FAM228B: variants seen among roughly 807,000 people sequenced by gnomAD.
The protein encoded by FAM228B is protein FAM228B.
A neutral mutation model predicts 42.6 loss-of-function variants in FAM228B; 38 were observed. The observed-to-expected ratio is 0.89, with a 90% CI of 0.69 to 1.17. The LOEUF is 1.17. FAM228B is among the 50% of genes most tolerant of loss of function. The pLI is 0.00. For synonymous variants in FAM228B, 109 were observed against 122.3 expected (o/e 0.89, Z 0.72); for missense variants, 344 against 367.3 (o/e 0.94, Z 0.52).
intron 5 of FAM228B, among the ~76,000 whole-genome samples, chr2:24,143,717 A>G (rs375370677): frequency 6.6e-6 from 1 of 152,186 alleles, no homozygotes. Context: ...TATGTTAAAC[A>G]TAACAGGCAT....
At chr2:24,150,961 T>G (rs887255457) in intron 7 of FAM228B, among the ~76,000 whole-genome samples, 3 of 152,212 alleles carry the variant, frequency 2.0e-5, no homozygotes, top group African/African-American at 7.2e-5. Context: ...TACTTGAATG[T>G]TGATATCTTT....
rs1470636034 is a variant in FAM228B at position 24,100,972 on chromosome 2, A to G, written c.-121+5743A>G. ...GTTCATGTCCTTTGCAGGGACATGG[A>G]CGAAGGTGGAAACCATCATTCTCAG... On this transcript the variant is annotated intron_variant, in intron 3 of 10. Transcript: ENST00000613899. Among the ~76,000 whole-genome samples the G allele has an allele frequency of 5.9e-5, 9 of 152,314 alleles. 1 individual carries two copies. The highest frequency in any genetic ancestry group is 2.2e-4 in the African/African-American group (9 of 41,568).
chr2:24,091,151 C>T lies in FAM228B; in HGVS notation c.-209-3990C>T, dbSNP rs574131587. 4.6e-5 allele frequency among the ~76,000 whole-genome samples: 7 copies of T among 152,260 alleles called. 1 individual carries two copies. In the South Asian group the frequency reaches 6.2e-4, roughly 14 times the overall value. On this transcript the variant is annotated intron_variant, in intron 2 of 10. Coordinates refer to the FAM228B transcript ENST00000613899. ...TTGATATGATTGTAGACTTAGAAAA[C>T]GCAAGAGATGCGCTGGGTGCCATGG...
At chr2:24,087,745 G>A (rs139743424) in intron 2 of FAM228B, among the ~76,000 whole-genome samples, 1,617 of 151,760 alleles carry the variant, frequency 0.011, 35 homozygotes, top group Admixed American at 0.046. Flanking sequence ...CGAGTAGCTG[G>A]GACTACAGGT....
rs56146407 is a variant in FAM228B at position 24,166,054 on chromosome 2, A to AAATATATATATATACAT, written c.933-1572_933-1571insATATATATATATACATA. On this transcript the variant is annotated intron_variant, in intron 9 of 10. Transcript: ENST00000615575. ...CAGAACTCTGTCTAAAAAAAAAAAA[A>AAATATATATATATACAT]ATATATATATATATATATGTATGTA... 7 of 81,030 alleles carry AAATATATATATATACAT rather than the reference A, an allele frequency of 8.6e-5. No individual in the cohort carries two copies. In the Admixed American group the frequency reaches 1.2e-3, roughly 14 times the overall value. The allele number at this position is 81,030 out of a possible 1,614,324, so 5.0% of individuals were successfully genotyped here. A position where few individuals can be genotyped will look rare whatever the true frequency, so the allele number is the denominator to read the frequency against.
upstream of FAM228B, among the ~76,000 whole-genome samples, chr2:24,118,680 G>A (rs978595918): frequency 6.6e-6 from 1 of 152,186 alleles, no homozygotes; most frequent in Non-Finnish European, 1.5e-5. Context: ...ATAGATGTGA[G>A]GGACAGGAAG....
At chr2:24,152,838 T>TA (rs1446933628) in intron 7 of FAM228B, among the ~76,000 whole-genome samples, 1 of 151,934 alleles carries the variant, frequency 6.6e-6, no homozygotes, top group Admixed American at 6.6e-5. Context: ...GGGCTTGAAG[T>TA]AAAAAAAACC....
intron 1 of FAM228B, among the ~76,000 whole-genome samples, chr2:24,078,062 A>G (rs11902756): frequency 0.28 from 42,880 of 152,096 alleles, 6,523 homozygotes; most frequent in South Asian, 0.39. Context: ...GATTCCTCTG[A>G]GAGGGGTACC....
intron 2 of FAM228B, among the ~76,000 whole-genome samples, chr2:24,093,883 C>T (rs1024125922): frequency 4.6e-5 from 7 of 151,960 alleles, no homozygotes; most frequent in African/African-American, 1.7e-4. Context: ...TCCCAAAGTG[C>T]TGGGATTACA....
chr2:24,158,154 A>C (rs1272261515), intron 7 of FAM228B, among the ~76,000 whole-genome samples: 3 of 143,860 alleles, frequency 2.1e-5, no homozygotes, highest in Non-Finnish European at 4.5e-5. Context: ...TACCTGAATC[A>C]ACCGTATTCT....
intron 3 of FAM228B, among the ~76,000 whole-genome samples, chr2:24,116,039 C>G (rs1665906983): frequency 6.6e-6 from 1 of 151,758 alleles, no homozygotes; most frequent in Non-Finnish European, 1.5e-5. Flanking sequence ...AGACTTAAAA[C>G]TGATTACGGC....
At chr2:24,094,187 C>T (rs776242247) in intron 2 of FAM228B, among the ~76,000 whole-genome samples, 1 of 151,782 alleles carries the variant, frequency 6.6e-6, no homozygotes, top group Non-Finnish European at 1.5e-5. Flanking sequence ...CTTGGCCTCC[C>T]GAGTAGTCTC....
At chr2:24,128,620 C>T (rs1315121168) in intron 2 of FAM228B, among the ~76,000 whole-genome samples, 1 of 151,480 alleles carries the variant, frequency 6.6e-6, no homozygotes, top group Non-Finnish European at 1.5e-5. Context: ...CTTTGTATGC[C>T]TGATGATTTT....
At chr2:24,092,665 A>G (rs1460024290) in intron 2 of FAM228B, among the ~76,000 whole-genome samples, 2 of 152,202 alleles carry the variant, frequency 1.3e-5, no homozygotes, top group Non-Finnish European at 2.9e-5. Context: ...TGTAGAAATA[A>G]AACACACCAA....
intron 1 of FAM228B, among the ~76,000 whole-genome samples, chr2:24,079,816 T>G (rs1015861778): frequency 6.6e-6 from 1 of 152,176 alleles, no homozygotes; most frequent in Admixed American, 6.5e-5. Context: ...AACTCTATGA[T>G]AGCATGTATG....
chr2:24,084,082 G>A lies in FAM228B; in HGVS notation c.-210+3127G>A, dbSNP rs1665139587. 5 of 1,439,606 alleles carry A rather than the reference G, an allele frequency of 3.5e-6. No homozygotes were observed. Among genetic ancestry groups the A allele is most frequent in the Non-Finnish European group, 4.6e-6 (5 of 1,095,614 alleles). 89.2% of individuals were successfully genotyped at this position (1,439,606 alleles called of 1,614,324 possible). ...GGAAGCCCCAGCGCAGCTGCCTGCTGGGTGTGGAGCGGTGCACGCCTTCAC... is the reference window on the plus strand; with the variant it reads ...GGAAGCCCCAGCGCAGCTGCCTGCTAGGTGTGGAGCGGTGCACGCCTTCAC... On this transcript the variant is annotated intron_variant, in intron 2 of 10. Transcript: ENST00000613899. The surrounding 1 kb of genome is among the most constrained non-coding windows in gnomAD (Gnocchi z 8.4).
At chr2:24,079,911 A>G (rs1439144231) in intron 1 of FAM228B, among the ~76,000 whole-genome samples, 1 of 152,218 alleles carries the variant, frequency 6.6e-6, no homozygotes, top group Non-Finnish European at 1.5e-5. Flanking sequence ...CAAAATAAGT[A>G]CAGTCCCACT....
At chr2:24,152,922 C>T (rs1334908573) in intron 7 of FAM228B, among the ~76,000 whole-genome samples, 2 of 152,172 alleles carry the variant, frequency 1.3e-5, no homozygotes, top group Non-Finnish European at 2.9e-5. Context: ...ATCCTTCCCA[C>T]TCTTCCCTCC....
chr2:24,132,774 T>A (rs1304793925), intron 2 of FAM228B, among the ~76,000 whole-genome samples: 3 of 152,282 alleles, frequency 2.0e-5, no homozygotes, highest in South Asian at 2.1e-4. Context: ...TCTGTTATAT[T>A]CCTCTGAAGA....
Sources: gnomAD v4.1 joint callset for allele counts (sites outside exome capture counted in the v4.1 genomes callset) on GRCh38, gnomAD v4.1.1 for gene constraint, Gnocchi (gnomAD v3.1) non-coding constraint, MANE v1.5 for transcripts, NCBI Gene and HGNC (gene_info 2026-07-23, HGNC 2026-07-21) for gene names.